The following ZMPSTE24 variants were observed in gnomAD, a reference collection of about 807,000 sequenced individuals.
ZMPSTE24 encodes zinc metallopeptidase STE24, also known as CAAX prenyl protease 1 homolog.
Under a neutral mutation model 56.7 loss-of-function variants are expected in ZMPSTE24, and 48 were observed. The observed-to-expected ratio is 0.85, with a 90% CI of 0.67 to 1.08. The LOEUF (loss-of-function observed/expected upper bound fraction) is 1.08, where lower values mean the gene tolerates loss of function less well. Among genes scored for constraint, ZMPSTE24 ranks in the 50% least tolerant of loss-of-function variants. ZMPSTE24 has a pLI of 0.00. For missense variants in ZMPSTE24, 503 were observed against 548.7 expected (o/e 0.92, Z 0.83); for synonymous variants, 172 against 195.2 (o/e 0.88, Z 0.99).
chr1:40,270,745 C>T (rs6658875), intron 5 of ZMPSTE24, among the ~76,000 whole-genome samples: 6,877 of 152,110 alleles, frequency 0.045, 506 homozygotes, highest in African/African-American at 0.16. Context: ...CTGATTTTTC[C>T]CTCCCTCACA....
At chr1:40,275,673 A>C (rs1643662944) in intron 6 of ZMPSTE24, among the ~76,000 whole-genome samples, 1 of 149,562 alleles carries the variant, frequency 6.7e-6, no homozygotes, top group Non-Finnish European at 1.5e-5. Context: ...GATCGCTTGA[A>C]TCTAGGAGGT....
intron 6 of ZMPSTE24, among the ~76,000 whole-genome samples, chr1:40,273,537 A>T (rs6681672): frequency 0.015 from 184 of 12,328 alleles, 7 homozygotes; most frequent in Middle Eastern, 0.056. Flanking sequence ...AAAAAAAAAA[A>T]ATATATATAT....
chr1:40,273,536 AAATATATATATATATATATATAT>A (rs1157111560), intron 6 of ZMPSTE24, among the ~76,000 whole-genome samples: 2 of 74,336 alleles, frequency 2.7e-5, no homozygotes, highest in East Asian at 3.8e-4. Context: ...AAAAAAAAAA[AAATATATATATATATATATATAT>A]ATATATATAT....
intron 2 of ZMPSTE24, among the ~76,000 whole-genome samples, chr1:40,263,530 A>G (rs1220206692): frequency 6.6e-6 from 1 of 152,204 alleles, no homozygotes; most frequent in Non-Finnish European, 1.5e-5. Context: ...TTGAAACTCT[A>G]AAGACTGCAA....
In ZMPSTE24 at chr1:40,258,341, C is replaced by T. The variant is rs1290470129; in HGVS notation, c.70C>T (p.Leu24=). Residue 24 remains leucine (L), a synonymous_variant, in exon 1 of 10, where the codon CTG becomes TTG. Coordinates refer to ENST00000372759, the MANE Select transcript of ZMPSTE24 (RefSeq NM_005857.5). ...CGAGAAGCGTATCTTCGGGGCCGTGCTGCTCTTTTCCTGGACAGTGTATCT... is the reference window on the plus strand; with the variant it reads ...CGAGAAGCGTATCTTCGGGGCCGTGTTGCTCTTTTCCTGGACAGTGTATCT... The part of the protein sequence containing the change: ...PAEKRIFGAV[L]LFSWTVYLWE... 6.2e-7 allele frequency: 1 copy of T among 1,614,202 alleles called. No individual in the cohort carries two copies. Among genetic ancestry groups the T allele is most frequent in the Admixed American group, 1.7e-5 (1 of 60,024 alleles).
At chr1:40,292,168 A>C (rs1643850182) in intron 9 of ZMPSTE24, among the ~76,000 whole-genome samples, 1 of 152,176 alleles carries the variant, frequency 6.6e-6, no homozygotes, top group African/African-American at 2.4e-5. Context: ...GTCTCATGTC[A>C]GCACTCAAAA....
chr1:40,282,276 C>G (rs1643738322), intron 7 of ZMPSTE24, among the ~76,000 whole-genome samples: 1 of 152,118 alleles, frequency 6.6e-6, no homozygotes. Flanking sequence ...GCTTCTGAAT[C>G]CTTTTCGTGG....
At position 40,273,941 on chromosome 1, in the gene ZMPSTE24, A is replaced by G. The variant is rs990679844; in HGVS notation, c.769+1906A>G. On this transcript the variant is annotated intron_variant, in intron 6 of 9. Transcript: ENST00000372759. ...CCCCCTACAACATCCAGAGTATGAGAGCTATTTTCATTTTAGATAAAATAG... is the reference window on the plus strand; with the variant it reads ...CCCCCTACAACATCCAGAGTATGAGGGCTATTTTCATTTTAGATAAAATAG... 2.0e-5 allele frequency among the ~76,000 whole-genome samples: 3 copies of G among 151,872 alleles called. No individual in the cohort carries two copies. In the East Asian group the frequency reaches 5.8e-4, roughly 29 times the overall value.
At chr1:40,287,330 A>C (rs1162187070) in intron 8 of ZMPSTE24, among the ~76,000 whole-genome samples, 2 of 152,054 alleles carry the variant, frequency 1.3e-5, no homozygotes, top group Admixed American at 1.3e-4. Context: ...TGGCCTCCCA[A>C]AGTGCTGGGA....
chr1:40,264,536 A>G (rs749675152), intron 2 of ZMPSTE24, among the ~76,000 whole-genome samples: 15 of 152,100 alleles, frequency 9.9e-5, no homozygotes, highest in Non-Finnish European at 2.1e-4. Flanking sequence ...TGCCTCATCT[A>G]TTAAATAGAG....
Position 40,269,979 on chromosome 1 carries a change from TGG to T in ZMPSTE24, c.482_483del (p.Gly161ValfsTer29), listed in dbSNP as rs1557775507. The T allele has an allele frequency of 6.2e-7, 1 of 1,612,750 alleles. No homozygotes were observed. On this transcript the variant is annotated frameshift_variant, in exon 5 of 10. Coordinates refer to ENST00000372759, the MANE Select transcript of ZMPSTE24 (RefSeq NM_005857.5). LOFTEE classifies it high-confidence loss of function. ...GGTAATGTTTTCTTTTTGCAGACTT[TGG>T]GGTTCTTCATGAAAGATGCAATCAA... is the stretch of plus-strand genomic sequence containing the variant.
intron 6 of ZMPSTE24, among the ~76,000 whole-genome samples, chr1:40,277,038 A>T (rs1470985240): frequency 6.6e-6 from 1 of 151,494 alleles, no homozygotes; most frequent in African/African-American, 2.4e-5. Flanking sequence ...TGTATGCGAC[A>T]TGCCAGGCAC....
chr1:40,275,265 C>CAA (rs869166476), intron 6 of ZMPSTE24, among the ~76,000 whole-genome samples: 2,549 of 38,588 alleles, frequency 0.066, 147 homozygotes, highest in African/African-American at 0.21. Flanking sequence ...ACTAAAAATA[C>CAA]AAAAAAAAAA....
At chr1:40,260,792 G>A (rs1643489062) in intron 1 of ZMPSTE24, 47 bp from the exon 2 acceptor site, 1 of 1,583,238 alleles carries the variant, frequency 6.3e-7, no homozygotes, top group African/African-American at 1.3e-5. Flanking sequence ...AATGACTATT[G>A]TAATAAACAA....
chr1:40,292,003 G>A (rs1643848930), intron 9 of ZMPSTE24, among the ~76,000 whole-genome samples: 1 of 151,920 alleles, frequency 6.6e-6, no homozygotes, highest in African/African-American at 2.4e-5. Context: ...ACCACGCCCA[G>A]CTAATTTTTG....
At chr1:40,289,020 A>G (rs1569665244) in intron 8 of ZMPSTE24, among the ~76,000 whole-genome samples, 1 of 151,934 alleles carries the variant, frequency 6.6e-6, no homozygotes, top group East Asian at 1.9e-4. Context: ...GTCCACTTTC[A>G]TCTGGTGCCA....
rs1399452004 is a variant in ZMPSTE24 at position 40,292,655 on chromosome 1, A to G, written c.1414A>G (p.Met472Val). 5.0e-6 allele frequency: 8 copies of G among 1,613,828 alleles called. No homozygotes were observed. Among genetic ancestry groups the G allele is most frequent in the Admixed American group, 1.7e-5 (1 of 60,032 alleles). ...LLERLQALKT[M>V]KQH Reference sequence around the variant, plus strand: ...AGAGAGACTTCAAGCTTTGAAAACTATGAAGCAACACTGAGATGTCCAGGA... The same window carrying G: ...AGAGAGACTTCAAGCTTTGAAAACTGTGAAGCAACACTGAGATGTCCAGGA... Residue 472 changes from methionine to valine, a missense_variant, in exon 10 of 10, where the codon ATG (methionine) becomes GTG (valine). Transcript: ENST00000372759.
At chr1:40,290,384 A>C (rs1643828486) in intron 8 of ZMPSTE24, among the ~76,000 whole-genome samples, 1 of 150,518 alleles carries the variant, frequency 6.6e-6, no homozygotes, top group African/African-American at 2.4e-5. Flanking sequence ...GATCTGTCTC[A>C]AAAAAAGCTA....
At chr1:40,275,225 G>C (rs1297524379) in intron 6 of ZMPSTE24, among the ~76,000 whole-genome samples, 1 of 140,636 alleles carries the variant, frequency 7.1e-6, no homozygotes, top group Admixed American at 7.7e-5. Flanking sequence ...TTCGAGACAA[G>C]CCTGGCCAAC....
Sources: gnomAD v4.1 joint callset for allele counts (sites outside exome capture counted in the v4.1 genomes callset) on GRCh38, gnomAD v4.1.1 for gene constraint, MANE v1.5 for transcripts, NCBI Gene and HGNC (gene_info 2026-07-23, HGNC 2026-07-21) for gene names.